DCTD: variants seen among roughly 807,000 people sequenced by gnomAD.
DCTD encodes the protein deoxycytidylate deaminase.
In DCTD, 23 loss-of-function variants were observed where a neutral mutation model predicts 21.0. The observed-to-expected ratio is 1.09, with a 90% CI of 0.79 to 1.55. The LOEUF (loss-of-function observed/expected upper bound fraction) is 1.55. Ranked by LOEUF, DCTD falls within the 40% of genes most tolerant of loss-of-function variation. The pLI is 0.00. For synonymous variants in DCTD, 71 were observed against 81.1 expected, an observed-to-expected ratio of 0.88 and a Z score of 0.67; for missense variants, 224 against 230.0, an observed-to-expected ratio of 0.97 and a Z score of 0.17.
chr4:182,906,078 C>T (rs1025326164), intron 3 of DCTD, among the ~76,000 whole-genome samples: 4 of 152,200 alleles, frequency 2.6e-5, no homozygotes, highest in East Asian at 1.9e-4. Context: ...CACCACGTCA[C>T]CTCCCGGCTG....
chr4:182,892,693 G>A lies in DCTD; in HGVS notation c.458+338C>T, dbSNP rs191905491. ...GCTACTTTCATCCTAAATTTTCTAT[G>A]CCAAAGTTGTTACATTTGCAAAATT... On this transcript the variant is annotated intron_variant, in intron 5 of 5. Coordinates refer to ENST00000438320, the MANE Select transcript of DCTD (RefSeq NM_001921.3). 1.9e-3 allele frequency among the ~76,000 whole-genome samples: 285 copies of A among 152,054 alleles called. 1 individual carries two copies. Among genetic ancestry groups the A allele is most frequent in the African/African-American group, 6.6e-3 (274 of 41,500 alleles).
intron 1 of DCTD, chr4:182,916,263 A>AAAAACT (rs1370889907): frequency 2.1e-6 from 1 of 482,586 alleles, no homozygotes; most frequent in African/African-American, 2.1e-5. Flanking sequence ...CTCCTAAAGC[A>AAAAACT]AGGTTTTTGG....
In DCTD at chr4:182,915,326, G is replaced by A. The variant is rs2152865220; in HGVS notation, c.108+135C>T. On this transcript the variant is annotated intron_variant, in intron 2 of 5. Transcript: ENST00000438320. ...TCTCACAGGAAGAACTAAGCTTGTA[G>A]AAACGCAGCACAAAAGGCAGACCGA... 8.2e-6 allele frequency: 6 copies of A among 728,022 alleles called. No individual in the cohort carries two copies. In the South Asian group the frequency reaches 1.0e-4, roughly 12 times the overall value. The allele number at this position is 728,022 out of a possible 1,614,324, so 45.1% of individuals were successfully genotyped here.
Position 182,893,028 on chromosome 4 carries a change from T to G in DCTD, c.458+3A>C. On this transcript the variant is annotated splice_donor_region_variant and intron_variant, in intron 5 of 5. Coordinates refer to ENST00000438320, the MANE Select transcript of DCTD (RefSeq NM_001921.3). Reference sequence around the variant, plus strand: ...TCCCCCCGCCCGCATTCTCCCCACTTACCGGAATGTCACCCCGGCCATATT... The same window carrying G: ...TCCCCCCGCCCGCATTCTCCCCACTGACCGGAATGTCACCCCGGCCATATT... 6.3e-7 allele frequency: 1 copy of G among 1,599,544 alleles called. No individual in the cohort carries two copies. Among genetic ancestry groups the G allele is most frequent in the Non-Finnish European group, 8.6e-7 (1 of 1,167,580 alleles).
chr4:182,910,152 C>A (rs1238323249), intron 3 of DCTD, among the ~76,000 whole-genome samples: 1 of 152,124 alleles, frequency 6.6e-6, no homozygotes, highest in Non-Finnish European at 1.5e-5. Flanking sequence ...GGCCAAGCAA[C>A]CCTGGCTCCC....
intron 3 of DCTD, 45 bp from the exon 4 acceptor site, chr4:182,894,650 A>T: frequency 2.4e-6 from 3 of 1,237,912 alleles, no homozygotes. Flanking sequence ...GTTGCAGCTC[A>T]TGAAGAATTT....
Position 182,917,021 on chromosome 4 carries a change from G to C in DCTD, c.-8+290C>G. ...ACACGGGCGCAGGAAGGGATGTGGTGTTCAGACGCCCAGCACCACCTCCCG... is the reference window on the plus strand; with the variant it reads ...ACACGGGCGCAGGAAGGGATGTGGTCTTCAGACGCCCAGCACCACCTCCCG... On this transcript the variant is annotated intron_variant, in intron 1 of 5. Coordinates refer to ENST00000438320, the MANE Select transcript of DCTD (RefSeq NM_001921.3). The surrounding 1 kb of genome is among the most constrained non-coding windows in gnomAD (Gnocchi z 4.9). 1 of 989,152 alleles carries C rather than the reference G, an allele frequency of 1.0e-6. No individual in the cohort carries two copies. The highest frequency in any genetic ancestry group is 1.2e-6 in the Non-Finnish European group (1 of 832,356). The allele number at this position is 989,152 out of a possible 1,614,324, so 61.3% of individuals were successfully genotyped here. A position where few individuals can be genotyped will look rare whatever the true frequency, so the allele number is the denominator to read the frequency against.
chr4:182,911,294 G>T (rs937811139), intron 3 of DCTD: 40 of 152,122 alleles, frequency 2.6e-4, no homozygotes, highest in African/African-American at 9.2e-4. Flanking sequence ...GTCCCCCCAG[G>T]CCCCACCTCC....
intron 3 of DCTD, among the ~76,000 whole-genome samples, chr4:182,895,734 T>C (rs1734619696): frequency 6.6e-6 from 1 of 152,200 alleles, no homozygotes; most frequent in South Asian, 2.1e-4. Context: ...AACTCTATTA[T>C]AAATCCTAAC....
At chr4:182,905,447 G>A (rs567685325) in intron 3 of DCTD, among the ~76,000 whole-genome samples, 11 of 150,598 alleles carry the variant, frequency 7.3e-5, no homozygotes, top group Non-Finnish European at 1.2e-4. Context: ...TCCTGCCTCA[G>A]CCTCCCAAGT....
intron 3 of DCTD, among the ~76,000 whole-genome samples, chr4:182,895,586 C>A (rs1440517660): frequency 1.3e-5 from 2 of 152,198 alleles, no homozygotes; most frequent in Non-Finnish European, 2.9e-5. Flanking sequence ...GCTCCCTAAT[C>A]CACAGGCGAC....
intron 3 of DCTD, among the ~76,000 whole-genome samples, chr4:182,894,948 G>A (rs1374651955): frequency 6.6e-6 from 1 of 152,242 alleles, no homozygotes; most frequent in Non-Finnish European, 1.5e-5. Flanking sequence ...GCACACATGG[G>A]GAAGTTCACC....
chr4:182,905,429 A>T (rs1000406581), intron 3 of DCTD, among the ~76,000 whole-genome samples: 3 of 151,076 alleles, frequency 2.0e-5, no homozygotes, highest in Admixed American at 6.6e-5. Context: ...CCCAGTTTCA[A>T]GCAATTCTCC....
chr4:182,902,592 C>T (rs553153857), intron 3 of DCTD, among the ~76,000 whole-genome samples: 3 of 152,364 alleles, frequency 2.0e-5, no homozygotes, highest in South Asian at 4.1e-4. Context: ...GCCCTGTCCC[C>T]CACCCAGGGG....
At chr4:182,907,175 G>A (rs752400691) in intron 3 of DCTD, among the ~76,000 whole-genome samples, 8 of 151,878 alleles carry the variant, frequency 5.3e-5, no homozygotes, top group South Asian at 2.1e-4. Flanking sequence ...TCATTCTGTC[G>A]TCTGGGATGG....
At chr4:182,897,348 T>C (rs890797960) in intron 3 of DCTD, among the ~76,000 whole-genome samples, 5 of 150,060 alleles carry the variant, frequency 3.3e-5, no homozygotes, top group African/African-American at 9.7e-5. Context: ...ATATATCATA[T>C]CTGAATATTA....
At chr4:182,912,989 G>A (rs1036092404) in intron 3 of DCTD, among the ~76,000 whole-genome samples, 6 of 152,220 alleles carry the variant, frequency 3.9e-5, no homozygotes, top group African/African-American at 4.8e-5. Flanking sequence ...GCCCAGACTC[G>A]GTGACATACT....
chr4:182,890,822 C>G lies in DCTD; in HGVS notation c.*577G>C, dbSNP rs1197746769. ...TGGTTCAGTTACACTCCTCGTCTGTCAGGACAGATGTGCCACCCTATCTCG... is the reference window on the plus strand; with the variant it reads ...TGGTTCAGTTACACTCCTCGTCTGTGAGGACAGATGTGCCACCCTATCTCG... On this transcript the variant is annotated 3_prime_UTR_variant, in exon 6 of 6. Transcript: ENST00000438320. 1 of 152,620 alleles carries G rather than the reference C, an allele frequency of 6.6e-6. No homozygotes were observed. Among genetic ancestry groups the G allele is most frequent in the Non-Finnish European group, 1.5e-5 (1 of 68,370 alleles). 9.5% of individuals were successfully genotyped at this position (152,620 alleles called of 1,614,324 possible). A position where few individuals can be genotyped will look rare whatever the true frequency, so the allele number is the denominator to read the frequency against.
rs1173510554 is a variant in DCTD, at chr4:182,917,105, T to C, written c.-8+206A>G. The stretch of plus-strand genomic sequence containing the variant: ...GCGGCGCCCGCCGAGAAATCGACCC[T>C]GGAGTGACTGCGGGGACCCCGAGCG... On this transcript the variant is annotated intron_variant, in intron 1 of 5. Transcript: ENST00000438320. This position sits in a 1 kb window ranked among gnomAD's most constrained non-coding sequence, Gnocchi z 4.9. 4.0e-5 allele frequency: 39 copies of C among 984,636 alleles called. No individual in the cohort carries two copies. The highest frequency in any genetic ancestry group is 4.6e-5 in the Non-Finnish European group (38 of 831,122). The allele number at this position is 984,636 out of a possible 1,614,324, so 61.0% of individuals were successfully genotyped here.
Sources: gnomAD v4.1 joint callset for allele counts (sites outside exome capture counted in the v4.1 genomes callset) on GRCh38, gnomAD v4.1.1 for gene constraint, Gnocchi (gnomAD v3.1) non-coding constraint, MANE v1.5 for transcripts, NCBI Gene and HGNC (gene_info 2026-07-23, HGNC 2026-07-21) for gene names.